Variants in CAMKMT observed in about 807,000 individuals in gnomAD.
CAMKMT encodes calmodulin-lysine N-methyltransferase, also known as CaM KMT.
In CAMKMT, 53 loss-of-function variants were observed where a neutral mutation model predicts 48.0. That is an observed-to-expected ratio of 1.10 (90% confidence interval 0.89 to 1.39). The LOEUF (loss-of-function observed/expected upper bound fraction) is 1.39. Among genes scored for constraint, CAMKMT ranks in the 40% most tolerant of loss-of-function variants. The pLI, the probability that CAMKMT is intolerant of heterozygous loss-of-function variation, is 0.00. For missense variants in CAMKMT, 428 were observed against 402.7 expected, an observed-to-expected ratio of 1.06 and a Z score of -0.54; for synonymous variants, 165 against 152.3, an observed-to-expected ratio of 1.08 and a Z score of -0.61.
At chr2:44,471,867 A>C (rs1182859869) in intron 3 of CAMKMT, among the ~76,000 whole-genome samples, 1 of 151,454 alleles carries the variant, frequency 6.6e-6, no homozygotes, top group Non-Finnish European at 1.5e-5. Context: ...TTTTAGTAGA[A>C]ATGGGGTTTC....
chr2:44,655,691 C>T (rs1229405763), intron 3 of CAMKMT, among the ~76,000 whole-genome samples: 1 of 152,120 alleles, frequency 6.6e-6, no homozygotes, highest in Non-Finnish European at 1.5e-5. Context: ...TCCAGTTTTG[C>T]ACGCGATAGG....
chr2:44,720,088 A>G (rs1558816871), intron 7 of CAMKMT, among the ~76,000 whole-genome samples: 1 of 152,172 alleles, frequency 6.6e-6, no homozygotes, highest in Non-Finnish European at 1.5e-5. Context: ...ATGGGCTCAT[A>G]TCCCTACTAT....
chr2:44,741,750 A>T (rs1038117253), intron 7 of CAMKMT, among the ~76,000 whole-genome samples: 1 of 152,228 alleles, frequency 6.6e-6, no homozygotes, highest in Non-Finnish European at 1.5e-5. Context: ...GACTCATTAC[A>T]GCTGCTGTGG....
At chr2:44,540,986 G>T (rs1197568282) in intron 3 of CAMKMT, among the ~76,000 whole-genome samples, 1 of 152,140 alleles carries the variant, frequency 6.6e-6, no homozygotes, top group Non-Finnish European at 1.5e-5. Flanking sequence ...TTGTCTCAAT[G>T]ATTTGACATG....
At position 44,543,939 on chromosome 2, in the gene CAMKMT, G is replaced by A. The variant is rs891752007; in HGVS notation, c.376+153634G>A. Among the ~76,000 whole-genome samples the A allele has an allele frequency of 5.9e-5, 9 of 152,192 alleles. No individual in the cohort carries two copies. In the East Asian group the frequency reaches 1.5e-3, roughly 26 times the overall value. On this transcript the variant is annotated intron_variant, in intron 3 of 10. Coordinates refer to ENST00000378494, the MANE Select transcript of CAMKMT (RefSeq NM_024766.5). The stretch of plus-strand genomic sequence containing the variant: ...CGAGTTAGCATTTATTTTAGTTTCT[G>A]TTCAGAAGGTAGCAAATATTGGTTT...
At chr2:44,390,096 G>A in intron 2 of CAMKMT, 145 bp from the exon 3 acceptor site, 1 of 584,972 alleles carries the variant, frequency 1.7e-6, no homozygotes, top group Admixed American at 3.6e-5. Flanking sequence ...CCCTCTAGTG[G>A]GCAGAAAATA....
At chr2:44,750,608 C>T (rs1193624589) in intron 8 of CAMKMT, among the ~76,000 whole-genome samples, 3 of 152,222 alleles carry the variant, frequency 2.0e-5, no homozygotes, top group Admixed American at 2.0e-4. Context: ...TCAAGCCATA[C>T]ACTATCACTA....
chr2:44,400,256 T>C (rs1248510637), intron 3 of CAMKMT, among the ~76,000 whole-genome samples: 1 of 152,214 alleles, frequency 6.6e-6, no homozygotes, highest in Admixed American at 6.5e-5. Flanking sequence ...ATACATTTTT[T>C]ATTTAGGTAA....
rs966673236 is a variant in CAMKMT at position 44,700,742 on chromosome 2, T to A, written c.377-3541T>A. Among the ~76,000 whole-genome samples, 10 of 152,148 alleles carry A rather than the reference T, an allele frequency of 6.6e-5. No individual in the cohort carries two copies. In the South Asian group the frequency reaches 2.1e-3, roughly 32 times the overall value. Reference sequence around the variant, plus strand: ...TATCAGATATAATAATAATGAAAAATTTTGAAATATTGTGAGAATGACCAA... The same window carrying A: ...TATCAGATATAATAATAATGAAAAAATTTGAAATATTGTGAGAATGACCAA... On this transcript the variant is annotated intron_variant, in intron 3 of 10. Coordinates refer to ENST00000378494, the MANE Select transcript of CAMKMT (RefSeq NM_024766.5).
At chr2:44,490,569 C>G (rs942320039) in intron 3 of CAMKMT, among the ~76,000 whole-genome samples, 1 of 152,256 alleles carries the variant, frequency 6.6e-6, no homozygotes, top group Non-Finnish European at 1.5e-5. Flanking sequence ...GCCACTGCAC[C>G]CAGCCTTATC....
At chr2:44,595,933 A>G (rs1327188253) in intron 3 of CAMKMT, among the ~76,000 whole-genome samples, 2 of 150,254 alleles carry the variant, frequency 1.3e-5, no homozygotes, top group African/African-American at 2.4e-5. Context: ...GAGCTGAACA[A>G]TGAGAACACA....
At chr2:44,370,189 CGTAGTAGGTAT>C (rs201645582) in intron 1 of CAMKMT, among the ~76,000 whole-genome samples, 4,042 of 152,188 alleles carry the variant, frequency 0.027, 200 homozygotes, top group African/African-American at 0.093. Context: ...TTTTCTCTCA[CGTAGTAGGTAT>C]CTATCCCATA....
At chr2:44,724,957 T>C (rs1678697600) in intron 7 of CAMKMT, among the ~76,000 whole-genome samples, 1 of 152,148 alleles carries the variant, frequency 6.6e-6, no homozygotes, top group African/African-American at 2.4e-5. Context: ...CTAAGTGCTA[T>C]TATGGTACTG....
chr2:44,723,424 C>A (rs1003342017), intron 7 of CAMKMT, among the ~76,000 whole-genome samples: 5 of 151,898 alleles, frequency 3.3e-5, no homozygotes, highest in Non-Finnish European at 7.4e-5. Flanking sequence ...AACCCCACCT[C>A]TACTAAAAAC....
intron 3 of CAMKMT, among the ~76,000 whole-genome samples, chr2:44,443,255 C>T (rs1005643158): frequency 6.6e-6 from 1 of 152,132 alleles, no homozygotes; most frequent in Non-Finnish European, 1.5e-5. Flanking sequence ...ACTCTCAGGG[C>T]TTTTCATCTG....
intron 3 of CAMKMT, among the ~76,000 whole-genome samples, chr2:44,597,047 A>C (rs994912340): frequency 2.6e-5 from 4 of 152,180 alleles, no homozygotes; most frequent in Admixed American, 2.6e-4. Flanking sequence ...GCTTTGATAA[A>C]GTCACCCTAG....
chr2:44,762,130 A>T (rs976308466), intron 9 of CAMKMT, among the ~76,000 whole-genome samples: 21 of 152,204 alleles, frequency 1.4e-4, no homozygotes, highest in African/African-American at 5.1e-4. Flanking sequence ...CTACAAAAGG[A>T]GACAGAGAGA....
At chr2:44,594,143 A>G (rs1030202366) in intron 3 of CAMKMT, among the ~76,000 whole-genome samples, 2 of 152,170 alleles carry the variant, frequency 1.3e-5, no homozygotes, top group Non-Finnish European at 2.9e-5. Flanking sequence ...ACTACAAATC[A>G]CTGCTCAAGG....
At chr2:44,615,377 T>A (rs72882996) in intron 3 of CAMKMT, among the ~76,000 whole-genome samples, 2,046 of 152,244 alleles carry the variant, frequency 0.013, 34 homozygotes, top group African/African-American at 0.041. Context: ...AGGTTAAAGA[T>A]GATTAGCAAC....
Sources: allele counts gnomAD v4.1 joint callset (sites outside exome capture counted in the v4.1 genomes callset), GRCh38; gene constraint gnomAD v4.1.1; transcripts MANE v1.5; gene names NCBI Gene and HGNC (gene_info 2026-07-23, HGNC 2026-07-21).